Variants in ABCB5 observed in about 807,000 individuals in gnomAD.
ABCB5 encodes ATP-binding cassette sub-family B member 5.
Under a neutral mutation model 144.2 loss-of-function variants are expected in ABCB5, and 155 were observed. The ratio of observed to expected loss-of-function variants is 1.08; its 90% CI spans 0.94 to 1.23. The LOEUF (loss-of-function observed/expected upper bound fraction) is 1.23, where lower values mean the gene tolerates loss of function less well. Ranked by LOEUF, ABCB5 falls within the 50% of genes most tolerant of loss-of-function variation. ABCB5 has a pLI of 0.00. For missense variants in ABCB5, 1,830 were observed against 1,520.8 expected, an observed-to-expected ratio of 1.20 and a Z score of -3.38; for synonymous variants, 610 against 528.6, an observed-to-expected ratio of 1.15 and a Z score of -2.11.
rs143163951 is a variant in ABCB5, at chr7:20,664,089, C to G, written c.1707+5413C>G. 3.3e-3 allele frequency among the ~76,000 whole-genome samples: 500 copies of G among 150,816 alleles called. 2 individuals are homozygous for G. The highest frequency in any genetic ancestry group is 0.012 in the African/African-American group (477 of 41,108). Reference sequence around the variant, plus strand: ...TAATCTAAGCCTGAGTACAAAAGAACAGTGAAAAAAAATTAATAAATAAAA... The same window carrying G: ...TAATCTAAGCCTGAGTACAAAAGAAGAGTGAAAAAAAATTAATAAATAAAA... On this transcript the variant is annotated intron_variant, in intron 14 of 27. Coordinates refer to ENST00000404938, the MANE Select transcript of ABCB5 (RefSeq NM_001163941.2).
At chr7:20,618,715 G>A (rs544177580) in intron 1 of ABCB5, among the ~76,000 whole-genome samples, 59 of 144,350 alleles carry the variant, frequency 4.1e-4, no homozygotes, top group Non-Finnish European at 7.5e-4. Flanking sequence ...GCCTCCAGCT[G>A]CATTTATGTT....
intron 1 of ABCB5, among the ~76,000 whole-genome samples, chr7:20,617,700 AAC>A (rs1171032762): frequency 1.3e-5 from 2 of 152,222 alleles, no homozygotes; most frequent in Non-Finnish European, 2.9e-5. Flanking sequence ...TATATAATCT[AAC>A]TGTATGCTGT....
At chr7:20,623,492 A>T (rs1003293006) in intron 2 of ABCB5, among the ~76,000 whole-genome samples, 154 bp downstream of exon 2, 1 of 152,176 alleles carries the variant, frequency 6.6e-6, no homozygotes, top group Non-Finnish European at 1.5e-5. Context: ...TCTTATAATT[A>T]ATTTAATAGT....
chr7:20,657,920 C>T (rs1427767431), intron 13 of ABCB5, among the ~76,000 whole-genome samples: 1 of 152,124 alleles, frequency 6.6e-6, no homozygotes, highest in Non-Finnish European at 1.5e-5. Flanking sequence ...GTTTCCTGGG[C>T]GCTAGAAGTT....
chr7:20,704,118 C>T (rs568140496), intron 19 of ABCB5, among the ~76,000 whole-genome samples: 21 of 113,834 alleles, frequency 1.8e-4, no homozygotes, highest in South Asian at 9.5e-4. Context: ...CTCTGGCATC[C>T]GAGCTGGAGT....
Position 20,720,304 on chromosome 7 carries a change from T to C in ABCB5, c.2422-2712T>C, listed in dbSNP as rs148425026. 6.3e-3 allele frequency among the ~76,000 whole-genome samples: 966 copies of C among 152,360 alleles called. 9 individuals carry two copies. The highest frequency in any genetic ancestry group is 0.022 in the African/African-American group (914 of 41,582). ...AAGAAATTTAAAAGTCATTAGTTCA[T>C]ACTACAATAAATAAGTTGAAAGTTT... On this transcript the variant is annotated intron_variant, in intron 20 of 27. Coordinates refer to ENST00000404938, the MANE Select transcript of ABCB5 (RefSeq NM_001163941.2).
chr7:20,679,247 C>G (rs1785709202), intron 14 of ABCB5, among the ~76,000 whole-genome samples: 1 of 151,940 alleles, frequency 6.6e-6, no homozygotes, highest in Non-Finnish European at 1.5e-5. Flanking sequence ...GTGGGTGGAT[C>G]ACCTGAGATC....
At chr7:20,694,452 A>G (rs1440205740) in intron 16 of ABCB5, among the ~76,000 whole-genome samples, 1 of 152,108 alleles carries the variant, frequency 6.6e-6, no homozygotes, top group Non-Finnish European at 1.5e-5. Flanking sequence ...GCAACGAATT[A>G]AAAGAAATTC....
intron 5 of ABCB5, among the ~76,000 whole-genome samples, chr7:20,642,434 C>G (rs536951085): frequency 6.6e-6 from 1 of 152,298 alleles, no homozygotes; most frequent in African/African-American, 2.4e-5. Flanking sequence ...TTCTTGACCA[C>G]TCTATTTATC....
At chr7:20,655,521 G>A (rs1467317166) in intron 13 of ABCB5, among the ~76,000 whole-genome samples, 3 of 146,936 alleles carry the variant, frequency 2.0e-5, no homozygotes, top group South Asian at 2.1e-4. Flanking sequence ...TCTAAATAAC[G>A]GCAACAGTTA....
At chr7:20,681,414 A>G in intron 14 of ABCB5, 91 bp from the exon 15 acceptor site, 1 of 1,411,300 alleles carries the variant, frequency 7.1e-7, no homozygotes, top group East Asian at 2.4e-5. Flanking sequence ...GGCATGAGCC[A>G]CCATGCCGGG....
At chr7:20,726,902 G>T in intron 21 of ABCB5, 138 bp from the exon 22 acceptor site, 1 of 478,186 alleles carries the variant, frequency 2.1e-6, no homozygotes, top group Non-Finnish European at 3.6e-6. Flanking sequence ...AGGAAAGGAA[G>T]CTAAGAATAT....
chr7:20,657,705 G>A (rs986143325), intron 13 of ABCB5, among the ~76,000 whole-genome samples: 6 of 152,110 alleles, frequency 3.9e-5, no homozygotes, highest in African/African-American at 1.4e-4. Flanking sequence ...GGTAACATGG[G>A]TGTACTCATT....
chr7:20,623,807 G>T (rs1219295044), intron 2 of ABCB5, among the ~76,000 whole-genome samples: 1 of 152,118 alleles, frequency 6.6e-6, no homozygotes, highest in Non-Finnish European at 1.5e-5. Context: ...GTTTTTAAAT[G>T]GAAATAGTTT....
intron 13 of ABCB5, among the ~76,000 whole-genome samples, chr7:20,657,732 C>G (rs7806279): frequency 0.25 from 37,688 of 152,034 alleles, 5,067 homozygotes; most frequent in African/African-American, 0.35. Flanking sequence ...TACTCATAGA[C>G]TTATATCCTT....
At chr7:20,685,535 A>C (rs189257642) in intron 15 of ABCB5, among the ~76,000 whole-genome samples, 161 bp from the exon 16 acceptor site, 1 of 152,362 alleles carries the variant, frequency 6.6e-6, no homozygotes, top group East Asian at 1.9e-4. Flanking sequence ...AGATAGACTT[A>C]TCAGCTCTCT....
chr7:20,642,661 T>C (rs947356265), intron 5 of ABCB5, among the ~76,000 whole-genome samples: 1 of 152,248 alleles, frequency 6.6e-6, no homozygotes, highest in Admixed American at 6.5e-5. Flanking sequence ...ACATTTCTTA[T>C]CTGATCTCCT....
At chr7:20,738,842 C>T (rs1208347752) in intron 23 of ABCB5, 141 bp from the exon 24 acceptor site, 3 of 844,016 alleles carry the variant, frequency 3.6e-6, no homozygotes, top group Admixed American at 7.6e-5. Flanking sequence ...AAAGAGATAA[C>T]TTGGTGGGTC....
chr7:20,677,162 T>C (rs966380949), intron 14 of ABCB5, among the ~76,000 whole-genome samples: 2 of 152,206 alleles, frequency 1.3e-5, no homozygotes, highest in African/African-American at 2.4e-5. Flanking sequence ...CTTGTTCAGC[T>C]ATTCATGCAG....
Sources: allele counts gnomAD v4.1 joint callset (sites outside exome capture counted in the v4.1 genomes callset), GRCh38; gene constraint gnomAD v4.1.1; transcripts MANE v1.5; gene names NCBI Gene and HGNC (gene_info 2026-07-23, HGNC 2026-07-21).